Variants in TMBIM1 observed in about 807,000 individuals in gnomAD.
The protein encoded by TMBIM1 is transmembrane BAX inhibitor motif containing 1.
In TMBIM1, 34 loss-of-function variants were observed where a neutral mutation model predicts 45.1. The observed-to-expected ratio is 0.75, with a 90% CI of 0.57 to 1.00. The LOEUF is 1.00. TMBIM1 is among the 50% of genes least tolerant of loss of function. The probability of loss-of-function intolerance (pLI) is 0.00; values close to 1 mark genes in which losing one functional copy is unlikely to be tolerated. For missense variants in TMBIM1, 374 were observed against 402.4 expected (o/e 0.93, Z 0.60); for synonymous variants, 157 against 153.5 (o/e 1.02, Z -0.17).
chr2:218,289,641 A>AAAC (rs1692803399), intron 1 of TMBIM1, among the ~76,000 whole-genome samples: 1 of 151,096 alleles, frequency 6.6e-6, no homozygotes, highest in Non-Finnish European at 1.5e-5. Context: ...AAAAAAAAAA[A>AAAC]AAAAACTGAA....
Position 218,275,553 on chromosome 2 carries a change from G to GA in TMBIM1, c.857dup (p.Thr287HisfsTer43). 2 of 1,614,028 alleles carry GA rather than the reference G, an allele frequency of 1.2e-6. No individual in the cohort carries two copies. Among genetic ancestry groups the GA allele is most frequent in the Non-Finnish European group, 1.7e-6 (2 of 1,179,994 alleles). ...CTGTGTAAATCTGCAGGGCGCCAGT[G>GA]ATGTAGTCCTCGGGGCTGATGGTGT... On this transcript the variant is annotated frameshift_variant, in exon 12 of 12. Transcript: ENST00000258412. LOFTEE classifies it high-confidence loss of function.
chr2:218,280,551 GGGA>G (rs762639704), intron 2 of TMBIM1: 94 of 241,858 alleles, frequency 3.9e-4, no homozygotes, highest in African/African-American at 1.6e-3. Context: ...GGTGAAGACA[GGGA>G]TCTGCATCAG....
At chr2:218,291,038 T>C (rs910142363) in intron 1 of TMBIM1, among the ~76,000 whole-genome samples, 3 of 152,192 alleles carry the variant, frequency 2.0e-5, no homozygotes, top group African/African-American at 7.2e-5. Flanking sequence ...GGGTGAGGCC[T>C]GCGGTTGGAG....
At chr2:218,280,312 A>AG (rs764793349) in intron 2 of TMBIM1, 186 bp from the exon 3 acceptor site, 37 of 556,850 alleles carry the variant, frequency 6.6e-5, no homozygotes, top group Non-Finnish European at 1.0e-4. Context: ...GCCTGTCACG[A>AG]GGGGGCTTAG....
intron 4 of TMBIM1, 54 bp downstream of exon 4, chr2:218,279,235 G>T: frequency 1.9e-6 from 3 of 1,560,338 alleles, no homozygotes; most frequent in Non-Finnish European, 2.6e-6. Context: ...CCCCCAGCAG[G>T]TGACCCTGAA....
chr2:218,279,301 A>G lies in TMBIM1; in HGVS notation c.356T>C (p.Ile119Thr). 6.3e-7 allele frequency: 1 copy of G among 1,586,870 alleles called. No individual in the cohort carries two copies. Among genetic ancestry groups the G allele is most frequent in the Non-Finnish European group, 8.6e-7 (1 of 1,166,582 alleles). ...CCTAGAGACTTACACAAAGGTGAAGATAGCAATGATGGCCACAGTGATGAG... is the reference window on the plus strand; with the variant it reads ...CCTAGAGACTTACACAAAGGTGAAGGTAGCAATGATGGCCACAGTGATGAG... ...QLLITVAIIA[I>T]FTFVEPVSAF... The change falls in exon 4 of 12, where the codon ATC becomes ACC. Residue 119 changes from isoleucine (I) to threonine (T), a missense_variant. Coordinates refer to ENST00000258412, the MANE Select transcript of TMBIM1 (RefSeq NM_022152.6).
chr2:218,278,968 A>G, intron 5 of TMBIM1, 70 bp downstream of exon 5: 2 of 1,583,272 alleles, frequency 1.3e-6, no homozygotes, highest in South Asian at 1.1e-5. Context: ...CCCTGAGCAA[A>G]GCTGGTCACC....
In TMBIM1 at chr2:218,284,533, G is replaced by A. The variant is rs1482218831; in HGVS notation, c.-40-2352C>T. Among the ~76,000 whole-genome samples the A allele has an allele frequency of 3.9e-5, 6 of 152,354 alleles. 1 individual carries two copies. The Middle Eastern group carries it at 0.014, about 348-fold the overall frequency. ...CCAAGGTTCTGGTGCAGCTCAGCGG[G>A]TGCTGACTCAGAGCTTCACTCCTGC... On this transcript the variant is annotated intron_variant, in intron 1 of 11. Transcript: ENST00000258412.
intron 1 of TMBIM1, among the ~76,000 whole-genome samples, chr2:218,291,409 A>G (rs1002836830): frequency 6.6e-6 from 1 of 152,152 alleles, no homozygotes. Flanking sequence ...TGGCCAGCCC[A>G]AAGTCGCCAG....
chr2:218,279,918 CA>C (rs1319090618), intron 3 of TMBIM1, 107 bp downstream of exon 3: 2 of 818,920 alleles, frequency 2.4e-6, no homozygotes, highest in Non-Finnish European at 4.3e-6. Flanking sequence ...GACAGGCAGC[CA>C]GTGTATTTCA....
chr2:218,276,029 G>A lies in TMBIM1; in HGVS notation c.786C>T (p.Thr262=), dbSNP rs1293701895. The A allele has an allele frequency of 6.2e-7, 1 of 1,612,128 alleles. No individual in the cohort carries two copies. The highest frequency in any genetic ancestry group is 1.1e-5 in the South Asian group (1 of 90,416). Residue 262 remains threonine (T), a synonymous_variant, in exon 11 of 12, where the codon ACC becomes ACT. Transcript: ENST00000258412. ...LYAALGAICF[T]LFLAYDTQLV... ...CTAGAGTGGGGCTGGGACTTACCAG[G>A]GTGAAACAAATGGCCCCCAGAGCAG... is the stretch of plus-strand genomic sequence containing the variant.
At chr2:218,289,642 A>AAAC (rs1220623028) in intron 1 of TMBIM1, among the ~76,000 whole-genome samples, 2 of 151,328 alleles carry the variant, frequency 1.3e-5, no homozygotes, top group Non-Finnish European at 1.5e-5. Context: ...AAAAAAAAAA[A>AAAC]AAAACTGAAA....
At position 218,277,105 on chromosome 2, in the gene TMBIM1, AGGAAGCAAGAAAGAG is replaced by A. The variant is rs1412221574; in HGVS notation, c.640-21_640-7del. 1 of 1,613,604 alleles carries A rather than the reference AGGAAGCAAGAAAGAG, an allele frequency of 6.2e-7. No individual in the cohort carries two copies. The highest frequency in any genetic ancestry group is 8.5e-7 in the Non-Finnish European group (1 of 1,179,564). On this transcript the variant is annotated splice_polypyrimidine_tract_variant and splice_region_variant and intron_variant, in intron 9 of 11. Coordinates refer to ENST00000258412, the MANE Select transcript of TMBIM1 (RefSeq NM_022152.6). ...GTGCACGAGGTGAAGTCCACCTGCC[AGGAAGCAAGAAAGAG>A]GCACCTGTCAGATGGCTGTGACAAC...
At chr2:218,279,610 A>C in intron 3 of TMBIM1, 2 of 495,934 alleles carry the variant, frequency 4.0e-6, no homozygotes, top group Non-Finnish European at 3.6e-6. Flanking sequence ...TGGCCACCAT[A>C]CTCTACCAGT....
intron 1 of TMBIM1, among the ~76,000 whole-genome samples, chr2:218,291,547 C>T (rs1469663154): frequency 6.6e-6 from 1 of 152,136 alleles, no homozygotes; most frequent in African/African-American, 2.4e-5. Flanking sequence ...GTCCAGGGTG[C>T]TCAGGTAGAA....
At chr2:218,284,733 G>A (rs1692361498) in intron 1 of TMBIM1, among the ~76,000 whole-genome samples, 1 of 152,214 alleles carries the variant, frequency 6.6e-6, no homozygotes, top group African/African-American at 2.4e-5. Context: ...TCTTCACCTG[G>A]AAAATGGGTC....
chr2:218,284,278 G>T (rs1191607048), intron 1 of TMBIM1: 1 of 152,282 alleles, frequency 6.6e-6, no homozygotes, highest in South Asian at 2.1e-4. Flanking sequence ...TGTGAAATAA[G>T]GTGGGGGCGA....
chr2:218,288,773 G>A (rs1692723014), intron 1 of TMBIM1, among the ~76,000 whole-genome samples: 1 of 152,168 alleles, frequency 6.6e-6, no homozygotes, highest in Non-Finnish European at 1.5e-5. Flanking sequence ...GGAGAGTAAA[G>A]TGTTTTCTTG....
intron 1 of TMBIM1, among the ~76,000 whole-genome samples, chr2:218,282,895 C>T (rs962071808): frequency 3.3e-5 from 5 of 152,202 alleles, no homozygotes; most frequent in Admixed American, 2.0e-4. Flanking sequence ...CTTCAAATAA[C>T]AGCGGTGGCG....
Sources: gnomAD v4.1 joint callset for allele counts (sites outside exome capture counted in the v4.1 genomes callset) on GRCh38, gnomAD v4.1.1 for gene constraint, MANE v1.5 for transcripts, NCBI Gene and HGNC (gene_info 2026-07-23, HGNC 2026-07-21) for gene names.